Variants in CDK14 observed in about 807,000 individuals in gnomAD.
CDK14 encodes the protein cyclin dependent kinase 14.
Under a neutral mutation model 60.7 loss-of-function variants are expected in CDK14, and 34 were observed. The observed-to-expected ratio is 0.56, with a 90% CI of 0.43 to 0.75. The LOEUF (loss-of-function observed/expected upper bound fraction) is 0.75, where lower values mean the gene tolerates loss of function less well. CDK14 is among the 30% of genes least tolerant of loss of function. The pLI is 0.00. For synonymous variants in CDK14, 197 were observed against 203.7 expected (o/e 0.97, Z 0.28); for missense variants, 482 against 564.1 (o/e 0.85, Z 1.47).
intron 5 of CDK14, among the ~76,000 whole-genome samples, chr7:90,828,221 GTGT>G (rs1789790048): frequency 6.6e-6 from 1 of 152,122 alleles, no homozygotes; most frequent in African/African-American, 2.4e-5. Context: ...TCTGGAAGTG[GTGT>G]TGTTATATAA....
chr7:91,076,766 A>C (rs181485785), intron 11 of CDK14, among the ~76,000 whole-genome samples: 20 of 152,364 alleles, frequency 1.3e-4, no homozygotes, highest in African/African-American at 4.6e-4. Context: ...ACAAAGGTCT[A>C]ATATGTGGAA....
chr7:90,920,771 A>G (rs991950910), intron 8 of CDK14, among the ~76,000 whole-genome samples: 8 of 152,234 alleles, frequency 5.3e-5, no homozygotes, highest in Admixed American at 5.2e-4. Flanking sequence ...GCATCACATA[A>G]TTTAAAGAAC....
chr7:90,846,305 A>C (rs1210261412), intron 5 of CDK14, among the ~76,000 whole-genome samples: 2 of 152,142 alleles, frequency 1.3e-5, no homozygotes, highest in Non-Finnish European at 2.9e-5. Flanking sequence ...CCATTGCTCT[A>C]ATATTTCAGT....
chr7:90,754,276 A>G (rs1045481066), intron 4 of CDK14, among the ~76,000 whole-genome samples: 5 of 152,218 alleles, frequency 3.3e-5, no homozygotes, highest in Non-Finnish European at 1.5e-5. Flanking sequence ...TAGTACAAAA[A>G]TAGACACATA....
chr7:90,866,703 G>T (rs1260380405), intron 6 of CDK14, among the ~76,000 whole-genome samples: 6 of 152,030 alleles, frequency 3.9e-5, no homozygotes, highest in Admixed American at 3.9e-4. Context: ...AAGCCTAGTT[G>T]CTTTATATTG....
intron 2 of CDK14, among the ~76,000 whole-genome samples, chr7:90,713,293 G>C (rs1802129709): frequency 6.6e-6 from 1 of 151,968 alleles, no homozygotes; most frequent in African/African-American, 2.4e-5. Flanking sequence ...CTTACACTGG[G>C]TCAGTCAGCA....
chr7:91,156,442 G>T (rs1041786659), intron 14 of CDK14, among the ~76,000 whole-genome samples: 1 of 152,122 alleles, frequency 6.6e-6, no homozygotes, highest in South Asian at 2.1e-4. Flanking sequence ...ATTTAAGGAG[G>T]GAGTGAGGAG....
intron 2 of CDK14, among the ~76,000 whole-genome samples, chr7:90,639,886 A>T (rs941348455): frequency 2.6e-5 from 4 of 152,120 alleles, no homozygotes; most frequent in African/African-American, 9.7e-5. Context: ...CTGTGCTAGC[A>T]ATCGGCGAGA....
intron 12 of CDK14, among the ~76,000 whole-genome samples, chr7:91,096,845 C>G (rs561076726): frequency 3.3e-5 from 5 of 152,168 alleles, no homozygotes; most frequent in Non-Finnish European, 7.3e-5. Context: ...ATGCCTATAA[C>G]CATGTTTTTG....
intron 10 of CDK14, among the ~76,000 whole-genome samples, chr7:91,035,828 A>G (rs964032531): frequency 3.8e-5 from 5 of 132,908 alleles, no homozygotes; most frequent in South Asian, 2.4e-4. Context: ...CCTCTGCTTC[A>G]TGGTCTTTTT....
At chr7:91,095,266 A>C (rs1311742500) in intron 12 of CDK14, among the ~76,000 whole-genome samples, 1 of 152,194 alleles carries the variant, frequency 6.6e-6, no homozygotes, top group African/African-American at 2.4e-5. Context: ...AGCCTGTCCC[A>C]TAGAAGGCAC....
chr7:90,905,676 C>T (rs941216854), intron 7 of CDK14, among the ~76,000 whole-genome samples: 7 of 152,056 alleles, frequency 4.6e-5, no homozygotes, highest in African/African-American at 1.7e-4. Context: ...TGTTAAAGGG[C>T]TTTTTGACTC....
At chr7:90,757,604 T>G (rs1470855734) in intron 4 of CDK14, among the ~76,000 whole-genome samples, 2 of 152,028 alleles carry the variant, frequency 1.3e-5, no homozygotes, top group Non-Finnish European at 2.9e-5. Context: ...TTCTTTTTTT[T>G]TTTTTTGTTT....
intron 10 of CDK14, among the ~76,000 whole-genome samples, chr7:91,025,648 CTGTT>C (rs1796548347): frequency 6.6e-6 from 1 of 152,154 alleles, no homozygotes; most frequent in Non-Finnish European, 1.5e-5. Flanking sequence ...ACAAGTGGCT[CTGTT>C]TGGGCATTAC....
At chr7:90,813,417 A>G (rs538742419) in intron 5 of CDK14, among the ~76,000 whole-genome samples, 1 of 152,312 alleles carries the variant, frequency 6.6e-6, no homozygotes, top group Non-Finnish European at 1.5e-5. Flanking sequence ...GGGTTTTACC[A>G]TGGATAAATT....
intron 10 of CDK14, among the ~76,000 whole-genome samples, chr7:91,013,538 G>A (rs1796218052): frequency 2.0e-5 from 3 of 151,846 alleles, no homozygotes; most frequent in South Asian, 2.1e-4. Flanking sequence ...CTGTTAAAAT[G>A]TCACTTTGGC....
intron 8 of CDK14, among the ~76,000 whole-genome samples, chr7:90,944,850 G>A (rs959321796): frequency 6.6e-6 from 1 of 152,208 alleles, no homozygotes; most frequent in African/African-American, 2.4e-5. Context: ...TAAGTGCAGT[G>A]CTGAGGTAAA....
At chr7:91,206,378 A>G (rs775317514) in intron 14 of CDK14, among the ~76,000 whole-genome samples, 5 of 152,166 alleles carry the variant, frequency 3.3e-5, no homozygotes, top group Admixed American at 6.5e-5. Context: ...TAGCTAAGGA[A>G]CTGGTTCTGG....
intron 4 of CDK14, among the ~76,000 whole-genome samples, chr7:90,788,159 G>A (rs541508479): frequency 1.3e-5 from 2 of 152,268 alleles, no homozygotes; most frequent in Admixed American, 6.5e-5. Context: ...AAGGTTGTGT[G>A]TGTGTTTTAT....
Sources: allele counts gnomAD v4.1 joint callset (sites outside exome capture counted in the v4.1 genomes callset), GRCh38; gene constraint gnomAD v4.1.1; transcripts MANE v1.5; gene names NCBI Gene and HGNC (gene_info 2026-07-23, HGNC 2026-07-21).